RBFOX1: variants seen among roughly 807,000 people sequenced by gnomAD.
The protein encoded by RBFOX1 is RNA binding fox-1 homolog 1.
A neutral mutation model predicts 57.7 loss-of-function variants in RBFOX1; 8 were observed. That is an observed-to-expected ratio of 0.14 (90% CI 0.08 to 0.25). The LOEUF is 0.25. Ranked by LOEUF, RBFOX1 falls within the 10% of genes least tolerant of loss-of-function variation. The pLI, the probability that RBFOX1 is intolerant of heterozygous loss-of-function variation, is 1.00. For synonymous variants in RBFOX1, 326 were observed against 222.4 expected, an observed-to-expected ratio of 1.47 and a Z score of -4.15; for missense variants, 611 against 548.5, an observed-to-expected ratio of 1.11 and a Z score of -1.14.
At chr16:6,996,915 C>T (rs947077708) in intron 3 of RBFOX1, among the ~76,000 whole-genome samples, 4 of 152,066 alleles carry the variant, frequency 2.6e-5, no homozygotes, top group African/African-American at 9.7e-5. Context: ...CTGAACTTTG[C>T]ATCCAGGAAA....
At chr16:6,588,268 A>G (rs1281347080) in intron 2 of RBFOX1, among the ~76,000 whole-genome samples, 1 of 151,910 alleles carries the variant, frequency 6.6e-6, no homozygotes, top group Non-Finnish European at 1.5e-5. Flanking sequence ...CTATACAGCC[A>G]CAAAACAATT....
intron 5 of RBFOX1, among the ~76,000 whole-genome samples, chr16:7,528,464 A>G (rs1600960751): frequency 6.6e-6 from 1 of 152,102 alleles, no homozygotes; most frequent in East Asian, 1.9e-4. Flanking sequence ...TTGCCCCATT[A>G]AGCAATTTTA....
At chr16:5,638,178 G>A (rs758457) in intron 3 of RBFOX1, among the ~76,000 whole-genome samples, 134,171 of 152,206 alleles carry the variant, frequency 0.88, 59,565 homozygotes, top group African/African-American at 0.92. Context: ...AGGGGGTGCA[G>A]TGGCAATTGT....
chr16:7,178,226 C>A (rs995932050), intron 4 of RBFOX1, among the ~76,000 whole-genome samples: 3 of 152,344 alleles, frequency 2.0e-5, no homozygotes, highest in South Asian at 4.1e-4. Flanking sequence ...ACACAGTGAC[C>A]TAGTGATTCA....
rs112638256 is a variant in RBFOX1, at chr16:5,931,330, C to T, written c.351+63995C>T. On this transcript the variant is annotated intron_variant, in intron 4 of 19. Coordinates refer to the RBFOX1 transcript ENST00000641259. ...TACTTAACACTGTGAGATCAAGGTG[C>T]GGGGAAAGGGGACTGAATTAACAAA... 2.6e-3 allele frequency among the ~76,000 whole-genome samples: 403 copies of T among 152,126 alleles called. 3 individuals are homozygous for T. Among genetic ancestry groups the T allele is most frequent in the East Asian group, 0.015 (75 of 5,170 alleles).
intron 4 of RBFOX1, among the ~76,000 whole-genome samples, chr16:7,131,555 G>A (rs1245307905): frequency 6.6e-6 from 1 of 151,550 alleles, no homozygotes; most frequent in Non-Finnish European, 1.5e-5. Context: ...CAAGTGATTG[G>A]AACTGAGGTT....
intron 2 of RBFOX1, among the ~76,000 whole-genome samples, chr16:6,599,436 T>A (rs1259503302): frequency 1.3e-5 from 2 of 152,100 alleles, no homozygotes; most frequent in African/African-American, 4.8e-5. Context: ...TCAGAATACT[T>A]TGCTGAAATA....
At chr16:6,419,417 C>G (rs762129969) in intron 2 of RBFOX1, among the ~76,000 whole-genome samples, 3 of 152,172 alleles carry the variant, frequency 2.0e-5, no homozygotes, top group Non-Finnish European at 4.4e-5. Context: ...ACGTGTGTCT[C>G]TAAGTAGCAG....
intron 4 of RBFOX1, among the ~76,000 whole-genome samples, chr16:7,058,572 TTGTG>T (rs111658690): frequency 1.3e-5 from 2 of 150,624 alleles, no homozygotes; most frequent in Non-Finnish European, 3.0e-5. Flanking sequence ...TTTCATAAGT[TTGTG>T]TGTGTGTGTG....
chr16:6,614,794 C>G (rs938777064), intron 2 of RBFOX1, among the ~76,000 whole-genome samples: 1 of 152,152 alleles, frequency 6.6e-6, no homozygotes, highest in African/African-American at 2.4e-5. Flanking sequence ...ATGAGGACAT[C>G]AGTCATATTG....
intron 1 of RBFOX1, among the ~76,000 whole-genome samples, chr16:5,424,939 C>G (rs1219577349): frequency 0.14 from 9,794 of 68,520 alleles, 1,073 homozygotes; most frequent in Admixed American, 0.17. Context: ...TTCTTTCTCT[C>G]TCTTCTTTCT....
At chr16:7,329,557 T>G (rs2096657072) in intron 4 of RBFOX1, among the ~76,000 whole-genome samples, 1 of 152,226 alleles carries the variant, frequency 6.6e-6, no homozygotes, top group Non-Finnish European at 1.5e-5. Context: ...GTTTAGTAGT[T>G]GTTATTTATT....
At chr16:6,771,105 A>T (rs1381970363) in intron 3 of RBFOX1, among the ~76,000 whole-genome samples, 1 of 152,100 alleles carries the variant, frequency 6.6e-6, no homozygotes, top group African/African-American at 2.4e-5. Context: ...AAGAAGAAAA[A>T]ATCAGAACCC....
rs369707847 is a variant in RBFOX1 at position 6,070,936 on chromosome 16, G to T, written c.-127+50944G>T. Among the ~76,000 whole-genome samples the T allele has an allele frequency of 5.3e-5, 8 of 152,050 alleles. No individual in the cohort carries two copies. The East Asian group carries it at 7.8e-4, about 15-fold the overall frequency. On this transcript the variant is annotated intron_variant, in intron 1 of 15. Coordinates refer to ENST00000550418, the MANE Select transcript of RBFOX1 (RefSeq NM_018723.4). ...TGAAGCACAATATCAAATTATTTTTGAGGTTTTCATCTTGTTCCTCTGATT... is the reference window on the plus strand; with the variant it reads ...TGAAGCACAATATCAAATTATTTTTTAGGTTTTCATCTTGTTCCTCTGATT...
At chr16:5,811,143 ATT>A (rs374827330) in intron 3 of RBFOX1, among the ~76,000 whole-genome samples, 8 of 104,554 alleles carry the variant, frequency 7.7e-5, no homozygotes, top group Admixed American at 1.2e-4. Context: ...TATGGAACAA[ATT>A]TTTTTTTTTT....
chr16:6,237,640 G>A (rs373306345), intron 1 of RBFOX1, among the ~76,000 whole-genome samples: 3 of 152,006 alleles, frequency 2.0e-5, no homozygotes, highest in Admixed American at 1.3e-4. Flanking sequence ...TACTTGGGAG[G>A]GTGGGGAAGA....
At chr16:7,102,874 A>G (rs912764294) in intron 4 of RBFOX1, among the ~76,000 whole-genome samples, 2 of 152,128 alleles carry the variant, frequency 1.3e-5, no homozygotes, top group Non-Finnish European at 2.9e-5. Context: ...TCCAAAACGC[A>G]TGCACTTCAA....
At chr16:6,736,450 C>G (rs62017578) in intron 3 of RBFOX1, among the ~76,000 whole-genome samples, 12,173 of 152,208 alleles carry the variant, frequency 0.08, 726 homozygotes, top group Non-Finnish European at 0.12. Context: ...GAGTAATAGT[C>G]TCTAATCTCA....
chr16:6,499,846 C>T (rs117006362), intron 2 of RBFOX1, among the ~76,000 whole-genome samples: 1,921 of 152,238 alleles, frequency 0.013, 21 homozygotes, highest in Non-Finnish European at 0.02. Flanking sequence ...TTGTTGCTAA[C>T]AGCTGAATGA....
Sources: gnomAD v4.1 joint callset for allele counts (sites outside exome capture counted in the v4.1 genomes callset) on GRCh38, gnomAD v4.1.1 for gene constraint, MANE v1.5 for transcripts, NCBI Gene and HGNC (gene_info 2026-07-23, HGNC 2026-07-21) for gene names.